The following ACTR3 variants were observed in gnomAD, a reference collection of about 807,000 sequenced individuals.
ACTR3 encodes actin related protein 3, also known as actin-related protein 3.
A neutral mutation model predicts 56.8 loss-of-function variants in ACTR3; 12 were observed. That is an observed-to-expected ratio of 0.21 (90% CI 0.14 to 0.34). ACTR3 has a LOEUF of 0.34. ACTR3 is among the 10% of genes least tolerant of loss of function. ACTR3 has a pLI of 1.00. For missense variants in ACTR3, 282 were observed against 512.5 expected (o/e 0.55, Z 4.34); for synonymous variants, 162 against 167.4 (o/e 0.97, Z 0.25).
chr2:113,894,921 T>C (rs1424938731), intron 1 of ACTR3, among the ~76,000 whole-genome samples: 1 of 152,174 alleles, frequency 6.6e-6, no homozygotes, highest in Admixed American at 6.5e-5. Flanking sequence ...TTCAGAACTT[T>C]ATGTGTTGCT....
chr2:113,949,614 T>A (rs1449155809), intron 8 of ACTR3, among the ~76,000 whole-genome samples: 1 of 151,988 alleles, frequency 6.6e-6, no homozygotes, highest in African/African-American at 2.4e-5. Context: ...CAGGCTGGAG[T>A]GCAGTGGTGT....
chr2:113,895,059 T>TCCCTCC (rs1678980547), intron 1 of ACTR3, among the ~76,000 whole-genome samples: 1 of 111,372 alleles, frequency 9.0e-6, no homozygotes, highest in East Asian at 2.9e-4. Context: ...TGGTTTAGGT[T>TCCCTCC]CCCCCCCCCC....
intron 3 of ACTR3, 76 bp downstream of exon 3, chr2:113,917,084 T>C: frequency 7.7e-7 from 1 of 1,301,522 alleles, no homozygotes; most frequent in Non-Finnish European, 1.0e-6. Context: ...TGGAATTCAC[T>C]CTATAATAGA....
chr2:113,953,767 A>G (rs1289609126), intron 10 of ACTR3: 1 of 152,216 alleles, frequency 6.6e-6, no homozygotes, highest in African/African-American at 2.4e-5. Context: ...AATCAAGAAC[A>G]TATTACAATT....
intron 3 of ACTR3, among the ~76,000 whole-genome samples, chr2:113,918,141 A>G (rs1679441940): frequency 1.3e-5 from 2 of 152,176 alleles, no homozygotes; most frequent in Admixed American, 6.5e-5. Context: ...AGCACTGAAT[A>G]TGTTGTTAGA....
chr2:113,911,749 T>G (rs1679309810), intron 1 of ACTR3, among the ~76,000 whole-genome samples: 1 of 152,066 alleles, frequency 6.6e-6, no homozygotes, highest in African/African-American at 2.4e-5. Context: ...TATTTGTTTA[T>G]TTTTTGAGAC....
intron 6 of ACTR3, among the ~76,000 whole-genome samples, chr2:113,937,302 C>T (rs1418766250): frequency 6.6e-6 from 1 of 152,150 alleles, no homozygotes; most frequent in African/African-American, 2.4e-5. Flanking sequence ...GACGGGGTTT[C>T]ACCATGTTGC....
chr2:113,911,335 G>C (rs1420909683), intron 1 of ACTR3, among the ~76,000 whole-genome samples: 1 of 150,996 alleles, frequency 6.6e-6, no homozygotes, highest in African/African-American at 2.4e-5. Context: ...AACTGTTGAA[G>C]AGGTTAGTCA....
intron 10 of ACTR3, chr2:113,952,969 TACTGA>T (rs1300673460): frequency 6.6e-6 from 1 of 152,198 alleles, no homozygotes; most frequent in Non-Finnish European, 1.5e-5. Flanking sequence ...AAATTCTCTG[TACTGA>T]GAATCCTACT....
chr2:113,893,949 C>T lies in ACTR3; in HGVS notation c.44+3626C>T, dbSNP rs543318298. Among the ~76,000 whole-genome samples the T allele has an allele frequency of 1.4e-4, 21 of 152,138 alleles. No homozygotes were observed. The South Asian group carries it at 2.1e-3, about 15-fold the overall frequency. On this transcript the variant is annotated intron_variant, in intron 1 of 11. Transcript: ENST00000263238. ...AAAGAGGAGTATGTTCATCTTGTGGCCACAATTCAGCAATTAGTGCAGATA... is the reference window on the plus strand; with the variant it reads ...AAAGAGGAGTATGTTCATCTTGTGGTCACAATTCAGCAATTAGTGCAGATA...
chr2:113,916,455 T>TAGTG (rs1384677829), intron 2 of ACTR3, among the ~76,000 whole-genome samples: 4 of 152,158 alleles, frequency 2.6e-5, no homozygotes, highest in African/African-American at 7.2e-5. Flanking sequence ...CTAGACCCAG[T>TAGTG]AGTGATAGGG....
At chr2:113,938,460 A>T (rs1052247709) in intron 6 of ACTR3, among the ~76,000 whole-genome samples, 1 of 152,208 alleles carries the variant, frequency 6.6e-6, no homozygotes, top group Non-Finnish European at 1.5e-5. Flanking sequence ...GATACCAGGA[A>T]CTAGTTTGAT....
At chr2:113,938,448 AAGAT>A (rs1249031062) in intron 6 of ACTR3, among the ~76,000 whole-genome samples, 2 of 152,196 alleles carry the variant, frequency 1.3e-5, no homozygotes, top group African/African-American at 4.8e-5. Flanking sequence ...GGACATAGTT[AAGAT>A]ACCAGGAACT....
intron 3 of ACTR3, among the ~76,000 whole-genome samples, chr2:113,920,254 CCTT>C (rs1432078873): frequency 2.6e-5 from 4 of 152,116 alleles, no homozygotes; most frequent in Admixed American, 6.6e-5. Flanking sequence ...GACAGGGTCT[CCTT>C]CTGTTGCCCA....
chr2:113,891,888 A>T (rs1186715619), intron 1 of ACTR3, among the ~76,000 whole-genome samples: 1 of 151,768 alleles, frequency 6.6e-6, no homozygotes, highest in South Asian at 2.1e-4. Flanking sequence ...TGAACCAATA[A>T]TTTTTTTTAT....
At chr2:113,947,687 A>G (rs1680045861) in intron 8 of ACTR3, among the ~76,000 whole-genome samples, 1 of 152,200 alleles carries the variant, frequency 6.6e-6, no homozygotes, top group South Asian at 2.1e-4. Flanking sequence ...AGATATGTAA[A>G]TAAAATGTGT....
upstream of ACTR3, chr2:113,889,988 G>C (rs943757732): frequency 1.9e-6 from 1 of 531,018 alleles, no homozygotes; most frequent in Admixed American, 3.7e-5. Context: ...AAGGCGGCGT[G>C]AGGGGAAGAA....
rs1276310920 is a variant in ACTR3 at position 113,961,433 on chromosome 2, A to G, written c.*3978A>G. The G allele has an allele frequency of 6.6e-6, 1 of 152,018 alleles. No homozygotes were observed. The highest frequency in any genetic ancestry group is 1.9e-4 in the East Asian group (1 of 5,196). The allele number at this position is 152,018 out of a possible 1,614,324, so 9.4% of individuals were successfully genotyped here. ...AGGCAACTGAAAAACCTGAAAGAAAAAAAATGAAAGATTAAAAGTATACGA... is the reference window on the plus strand; with the variant it reads ...AGGCAACTGAAAAACCTGAAAGAAAGAAAATGAAAGATTAAAAGTATACGA... On this transcript the variant is annotated 3_prime_UTR_variant, in exon 12 of 12. Transcript: ENST00000263238.
In ACTR3 at chr2:113,890,174, G is replaced by A; in HGVS notation, c.-106G>A. 1 of 1,454,392 alleles carries A rather than the reference G, an allele frequency of 6.9e-7. No individual in the cohort carries two copies. Among genetic ancestry groups the A allele is most frequent in the East Asian group, 2.5e-5 (1 of 39,450 alleles). 90.1% of individuals were successfully genotyped at this position (1,454,392 alleles called of 1,614,324 possible). On this transcript the variant is annotated 5_prime_UTR_variant, in exon 1 of 12. Transcript: ENST00000263238. ...CGGCTACCCCCCGGACGGTGAAGGC[G>A]GCCCAGCTGTGGATGGTCAGATAGC...
Sources: allele counts gnomAD v4.1 joint callset (sites outside exome capture counted in the v4.1 genomes callset), GRCh38; gene constraint gnomAD v4.1.1; transcripts MANE v1.5; gene names NCBI Gene and HGNC (gene_info 2026-07-23, HGNC 2026-07-21).